Variants in CALN1 observed in about 807,000 individuals in gnomAD.
CALN1 encodes calcium-binding protein 8.
Under a neutral mutation model 30.6 loss-of-function variants are expected in CALN1, and 17 were observed. The ratio of observed to expected loss-of-function variants is 0.56; its 90% CI spans 0.38 to 0.83. The LOEUF (loss-of-function observed/expected upper bound fraction) is 0.83, where lower values mean the gene tolerates loss of function less well. Ranked by LOEUF, CALN1 falls within the 40% of genes least tolerant of loss-of-function variation. The pLI, the probability that CALN1 is intolerant of heterozygous loss-of-function variation, is 0.00. For missense variants in CALN1, 291 were observed against 354.9 expected (o/e 0.82, Z 1.45); for synonymous variants, 156 against 131.4 (o/e 1.19, Z -1.28).
the CALN1 span, among the ~76,000 whole-genome samples, chr7:72,481,851 A>G: frequency 6.6e-6 from 1 of 152,124 alleles, no homozygotes; most frequent in Admixed American, 6.5e-5. Context: ...TATTATTTGT[A>G]TACTTTGACA....
intron 4 of CALN1, among the ~76,000 whole-genome samples, chr7:72,033,341 C>T (rs1184509053): frequency 1.3e-5 from 2 of 152,206 alleles, no homozygotes; most frequent in South Asian, 2.1e-4. Context: ...AGTGGGTGGG[C>T]TTCAAAGGGT....
chr7:72,002,484 AT>A (rs1392305480), intron 5 of CALN1, among the ~76,000 whole-genome samples: 3 of 152,144 alleles, frequency 2.0e-5, no homozygotes, highest in African/African-American at 7.2e-5. Flanking sequence ...TTGCATCATT[AT>A]AAAGTTGAAA....
intron 4 of CALN1, among the ~76,000 whole-genome samples, chr7:72,062,850 T>C (rs1163742874): frequency 1.3e-5 from 2 of 152,176 alleles, no homozygotes. Flanking sequence ...AAAAGAAATC[T>C]TGAGGCCCAG....
At chr7:72,023,635 GA>G (rs200448317) in intron 5 of CALN1, 21 bp downstream of exon 5, 121 of 1,584,150 alleles carry the variant, frequency 7.6e-5, no homozygotes, top group East Asian at 2.0e-4. Flanking sequence ...AACTTAGTCT[GA>G]AAAAAAATAT....
At chr7:71,837,619 T>C (rs1444544054) in intron 5 of CALN1, among the ~76,000 whole-genome samples, 1 of 152,118 alleles carries the variant, frequency 6.6e-6, no homozygotes, top group African/African-American at 2.4e-5. Flanking sequence ...GCATAAAATC[T>C]ATCACCCTTC....
chr7:72,034,482 A>T (rs1801662817), intron 4 of CALN1, among the ~76,000 whole-genome samples: 1 of 151,798 alleles, frequency 6.6e-6, no homozygotes, highest in African/African-American at 2.4e-5. Flanking sequence ...ACAGCTAAAA[A>T]AATGTGGATT....
At chr7:71,860,055 T>G (rs1791180851) in intron 5 of CALN1, among the ~76,000 whole-genome samples, 1 of 152,158 alleles carries the variant, frequency 6.6e-6, no homozygotes, top group Non-Finnish European at 1.5e-5. Flanking sequence ...AATTAACCCT[T>G]TATCACAAAC....
At chr7:72,002,491 T>C (rs1370641036) in intron 5 of CALN1, among the ~76,000 whole-genome samples, 2 of 152,032 alleles carry the variant, frequency 1.3e-5, no homozygotes, top group Non-Finnish European at 1.5e-5. Flanking sequence ...ATTATAAAGT[T>C]GAAAAATTGT....
At chr7:72,286,455 T>TG (rs1236429505) in intron 2 of CALN1, among the ~76,000 whole-genome samples, 3 of 152,188 alleles carry the variant, frequency 2.0e-5, no homozygotes, top group African/African-American at 7.2e-5. Flanking sequence ...TAATGACCTA[T>TG]GGGGATTATG....
chr7:72,242,796 G>C (rs1794924088), intron 3 of CALN1, among the ~76,000 whole-genome samples: 1 of 152,150 alleles, frequency 6.6e-6, no homozygotes, highest in Non-Finnish European at 1.5e-5. Flanking sequence ...GCTGAGGCAG[G>C]AGAATTGCTT....
chr7:71,927,598 T>C (rs1795334105), intron 5 of CALN1, among the ~76,000 whole-genome samples: 1 of 152,208 alleles, frequency 6.6e-6, no homozygotes, highest in African/African-American at 2.4e-5. Flanking sequence ...CCCTTAGCTT[T>C]TGTCTTTCTC....
intron 5 of CALN1, among the ~76,000 whole-genome samples, chr7:71,858,503 GA>G (rs75639187): frequency 1.4e-3 from 193 of 137,742 alleles, no homozygotes; most frequent in East Asian, 3.8e-3. Context: ...AAAGAGTAAA[GA>G]AAAAAAAAAA....
At chr7:72,144,268 G>A (rs1195191088) in intron 3 of CALN1, among the ~76,000 whole-genome samples, 2 of 151,874 alleles carry the variant, frequency 1.3e-5, no homozygotes, top group Non-Finnish European at 2.9e-5. Flanking sequence ...TCAAAATAAA[G>A]GGATGGAGGA....
rs550464992 is a variant in CALN1, at chr7:72,188,785, G to A, written c.245-82491C>T. ...TGCAATATTTTATTAGGATAGAGCC[G>A]TTGTGTAGCTAATATAGTCTGAAAG... On this transcript the variant is annotated intron_variant, in intron 3 of 6. Coordinates refer to ENST00000395275, the MANE Select transcript of CALN1 (RefSeq NM_031468.4). Among the ~76,000 whole-genome samples, 18 of 152,284 alleles carry A rather than the reference G, an allele frequency of 1.2e-4. No individual in the cohort carries two copies. The South Asian group carries it at 1.2e-3, about 11-fold the overall frequency.
chr7:71,902,450 G>A (rs926527850), intron 5 of CALN1, among the ~76,000 whole-genome samples: 8 of 152,160 alleles, frequency 5.3e-5, no homozygotes, highest in Admixed American at 6.5e-5. Flanking sequence ...GTGAAGAAAA[G>A]CAAATAGATG....
chr7:72,047,237 T>C (rs1802527984), intron 4 of CALN1, among the ~76,000 whole-genome samples: 1 of 152,220 alleles, frequency 6.6e-6, no homozygotes, highest in African/African-American at 2.4e-5. Flanking sequence ...ATATGGCCAA[T>C]GAAAGCCTTC....
At chr7:72,121,187 GTATTA>G (rs963556165) in intron 3 of CALN1, among the ~76,000 whole-genome samples, 18 of 138,524 alleles carry the variant, frequency 1.3e-4, no homozygotes, top group African/African-American at 2.4e-4. Flanking sequence ...TATATATTAT[GTATTA>G]TATTATATAT....
chr7:72,110,127 G>C (rs577602449), intron 3 of CALN1, among the ~76,000 whole-genome samples: 2 of 152,250 alleles, frequency 1.3e-5, no homozygotes, highest in South Asian at 4.2e-4. Flanking sequence ...GGCTGGACAG[G>C]GTGGGTCCCT....
At chr7:72,452,691 T>C in the CALN1 span, among the ~76,000 whole-genome samples, 1 of 152,160 alleles carries the variant, frequency 6.6e-6, no homozygotes, top group African/African-American at 2.4e-5. Flanking sequence ...CAAAACAGAC[T>C]AATTCAGGGA....
Sources: gnomAD v4.1 joint callset for allele counts (sites outside exome capture counted in the v4.1 genomes callset) on GRCh38, gnomAD v4.1.1 for gene constraint, MANE v1.5 for transcripts, NCBI Gene and HGNC (gene_info 2026-07-23, HGNC 2026-07-21) for gene names.